LRMDA: variants seen among roughly 807,000 people sequenced by gnomAD.
The protein encoded by LRMDA is leucine rich melanocyte differentiation associated.
Under a neutral mutation model 29.8 loss-of-function variants are expected in LRMDA, and 18 were observed. The ratio of observed to expected loss-of-function variants is 0.60; its 90% CI spans 0.42 to 0.90. LRMDA has a LOEUF of 0.90. Ranked by LOEUF, LRMDA falls within the 40% of genes least tolerant of loss-of-function variation. LRMDA has a pLI of 0.00. For synonymous variants in LRMDA, 125 were observed against 109.4 expected, an observed-to-expected ratio of 1.14 and a Z score of -0.89; for missense variants, 273 against 273.9, an observed-to-expected ratio of 1.00 and a Z score of 0.02.
intron 2 of LRMDA, among the ~76,000 whole-genome samples, chr10:75,624,994 C>T (rs1589138601): frequency 6.6e-6 from 1 of 152,180 alleles, no homozygotes; most frequent in African/African-American, 2.4e-5. Context: ...TTCAAAATTT[C>T]TTTCAGACAG....
rs149389673 is a variant in LRMDA, at chr10:76,348,671, A to G, written c.601+24186A>G. 3.9e-3 allele frequency among the ~76,000 whole-genome samples: 592 copies of G among 152,254 alleles called. 2 individuals carry two copies. The highest frequency in any genetic ancestry group is 0.011 in the African/African-American group (457 of 41,552). On this transcript the variant is annotated intron_variant, in intron 6 of 6. Transcript: ENST00000611255. The stretch of plus-strand genomic sequence containing the variant: ...AATGTCTTGCCATGTCAGGCTCTCA[A>G]TGGTTTCTGAGAAAGATTGAACAGC...
intron 6 of LRMDA, among the ~76,000 whole-genome samples, chr10:76,359,261 A>G (rs1406104596): frequency 6.6e-6 from 1 of 152,186 alleles, no homozygotes; most frequent in Non-Finnish European, 1.5e-5. Context: ...TCATTGAAAA[A>G]ATATTGAGTA....
At chr10:75,484,485 G>C (rs1173057615) in intron 2 of LRMDA, among the ~76,000 whole-genome samples, 3 of 152,138 alleles carry the variant, frequency 2.0e-5, no homozygotes, top group Non-Finnish European at 4.4e-5. Context: ...TTTCATAAGA[G>C]CAATTGGCAG....
intron 5 of LRMDA, among the ~76,000 whole-genome samples, chr10:76,323,350 C>T (rs1840794893): frequency 6.6e-6 from 1 of 152,100 alleles, no homozygotes. Context: ...GAGAAAAGGC[C>T]TGCTTTTAGA....
chr10:75,848,062 T>C (rs993710168), intron 2 of LRMDA, among the ~76,000 whole-genome samples: 2 of 152,200 alleles, frequency 1.3e-5, no homozygotes, highest in African/African-American at 4.8e-5. Flanking sequence ...CACTTCTGTA[T>C]ATATATCTGA....
intron 2 of LRMDA, among the ~76,000 whole-genome samples, chr10:75,731,923 A>G (rs1245670630): frequency 6.6e-6 from 1 of 152,208 alleles, no homozygotes; most frequent in African/African-American, 2.4e-5. Flanking sequence ...AAATTCTAAC[A>G]GGGATCATTT....
intron 5 of LRMDA, chr10:76,270,078 C>G (rs764821457): frequency 6.6e-6 from 1 of 152,240 alleles, no homozygotes; most frequent in Admixed American, 6.5e-5. Flanking sequence ...ACACCCTGTT[C>G]TGAACACTGG....
intron 2 of LRMDA, among the ~76,000 whole-genome samples, chr10:75,452,175 C>T (rs1844469135): frequency 6.6e-6 from 1 of 152,166 alleles, no homozygotes; most frequent in Admixed American, 6.5e-5. Flanking sequence ...TCACTTCCTC[C>T]TTCACTACAC....
In LRMDA at chr10:76,249,095, A is replaced by ACC. The variant is rs1852426809; in HGVS notation, c.517-75306_517-75305insCC. Among the ~76,000 whole-genome samples, 3 of 152,168 alleles carry ACC rather than the reference A, an allele frequency of 2.0e-5. No individual in the cohort carries two copies. In the South Asian group the frequency reaches 6.2e-4, roughly 32 times the overall value. ...TATCCTGTTTGCTATTTAGAGGGGC[A>ACC]ATGGAGTGAGAAAGAATTATGTAGC... On this transcript the variant is annotated intron_variant, in intron 5 of 6. Coordinates refer to ENST00000611255, the MANE Select transcript of LRMDA (RefSeq NM_001305581.2).
chr10:76,415,073 G>T (rs939613083), intron 6 of LRMDA, among the ~76,000 whole-genome samples: 3 of 152,264 alleles, frequency 2.0e-5, no homozygotes, highest in Non-Finnish European at 2.9e-5. Flanking sequence ...GAGCCTGTCA[G>T]AGGGGAAAAG....
intron 5 of LRMDA, among the ~76,000 whole-genome samples, chr10:76,205,070 G>A (rs1371533788): frequency 2.0e-5 from 3 of 152,134 alleles, no homozygotes; most frequent in South Asian, 2.1e-4. Flanking sequence ...CCTAGCAACC[G>A]TGGGATCCTC....
chr10:76,089,614 T>C (rs898939083), intron 5 of LRMDA, among the ~76,000 whole-genome samples: 1 of 152,178 alleles, frequency 6.6e-6, no homozygotes, highest in Non-Finnish European at 1.5e-5. Flanking sequence ...CAGCTCTGCA[T>C]GAACCCATTA....
intron 2 of LRMDA, among the ~76,000 whole-genome samples, chr10:75,593,297 AAG>A (rs1174372261): frequency 6.6e-6 from 1 of 152,198 alleles, no homozygotes; most frequent in Non-Finnish European, 1.5e-5. Context: ...TGCTCCGAAA[AAG>A]AGGTTTTGTT....
At chr10:76,410,298 CTTTTT>C (rs1172213249) in intron 6 of LRMDA, among the ~76,000 whole-genome samples, 13 of 66,562 alleles carry the variant, frequency 2.0e-4, no homozygotes, top group African/African-American at 7.7e-4. Context: ...CACTTTCTTT[CTTTTT>C]TTTTTTTTTT....
intron 2 of LRMDA, among the ~76,000 whole-genome samples, chr10:75,662,903 A>G (rs535838196): frequency 2.0e-5 from 3 of 152,348 alleles, no homozygotes; most frequent in Middle Eastern, 3.4e-3. Flanking sequence ...ACTTCTGGAC[A>G]TGAAGCATTT....
rs576843497 is a variant in LRMDA at position 76,320,103 on chromosome 10, G to A, written c.517-4298G>A. Among the ~76,000 whole-genome samples the A allele has an allele frequency of 1.9e-3, 290 of 152,302 alleles. 1 individual carries two copies. The highest frequency in any genetic ancestry group is 6.7e-3 in the African/African-American group (278 of 41,562). On this transcript the variant is annotated intron_variant, in intron 5 of 6. Coordinates refer to ENST00000611255, the MANE Select transcript of LRMDA (RefSeq NM_001305581.2). Reference sequence around the variant, plus strand: ...GCATTTATCAGTTTTGGTAATCACCGAGTGAAATTCTCGCTTTGCACGTCT... The same window carrying A: ...GCATTTATCAGTTTTGGTAATCACCAAGTGAAATTCTCGCTTTGCACGTCT...
In LRMDA at chr10:76,557,527, C is replaced by T. The variant is rs151126456; in HGVS notation, c.*239C>T. 134 of 558,964 alleles carry T rather than the reference C, an allele frequency of 2.4e-4. 1 individual carries two copies. In the East Asian group the frequency reaches 3.9e-3, roughly 16 times the overall value. 34.6% of individuals were successfully genotyped at this position (558,964 alleles called of 1,614,324 possible). On this transcript the variant is annotated 3_prime_UTR_variant, in exon 7 of 7. Transcript: ENST00000611255. ...ATTGCCCTTAAGCAGGTCTCATCCA[C>T]CAGGGTGACAGACAGCGGTGGCAAA...
chr10:75,469,194 GAAA>G (rs201950116), intron 2 of LRMDA, among the ~76,000 whole-genome samples: 1 of 149,922 alleles, frequency 6.7e-6, no homozygotes, highest in African/African-American at 2.4e-5. Context: ...CATTTTAAAG[GAAA>G]AAAAAAGAGA....
At chr10:76,290,310 CTG>C (rs1228115126) in intron 5 of LRMDA, among the ~76,000 whole-genome samples, 1 of 151,464 alleles carries the variant, frequency 6.6e-6, no homozygotes, top group Non-Finnish European at 1.5e-5. Flanking sequence ...CTTGTTAAGA[CTG>C]AGTTGAAAAG....
Sources: gnomAD v4.1 joint callset for allele counts (sites outside exome capture counted in the v4.1 genomes callset) on GRCh38, gnomAD v4.1.1 for gene constraint, MANE v1.5 for transcripts, NCBI Gene and HGNC (gene_info 2026-07-23, HGNC 2026-07-21) for gene names.